GABRA6: variants seen among roughly 807,000 people sequenced by gnomAD.
GABRA6 encodes the protein gamma-aminobutyric acid type A receptor subunit alpha6.
In GABRA6, 45 loss-of-function variants were observed where a neutral mutation model predicts 47.3. That is an observed-to-expected ratio of 0.95 (90% CI 0.75 to 1.22). The LOEUF is 1.22. Ranked by LOEUF, GABRA6 falls within the 50% of genes most tolerant of loss-of-function variation. The pLI, the probability that GABRA6 is intolerant of heterozygous loss-of-function variation, is 0.00. For synonymous variants in GABRA6, 219 were observed against 194.7 expected, an observed-to-expected ratio of 1.12 and a Z score of -1.04; for missense variants, 583 against 549.3, an observed-to-expected ratio of 1.06 and a Z score of -0.61.
rs1754744567 is a variant in GABRA6, at chr5:161,688,954, T to A, written c.231T>A (p.Tyr77Ter). ...FGPVSDVEMEYTMDVFFRQTW... is the reference protein window; with the variant it reads ...FGPVSDVEME ...AATATTTTATTTTCTCTTAGGAGTA[T>A]ACGATGGATGTTTTTTTCCGCCAGA... The change falls in exon 4 of 9, where the codon TAT becomes TAA. Residue 77 changes from tyrosine to a stop codon, truncating the protein, a stop_gained. Coordinates refer to ENST00000274545, the MANE Select transcript of GABRA6 (RefSeq NM_000811.3). LOFTEE classifies it high-confidence loss of function. 2 of 1,612,874 alleles carry A rather than the reference T, an allele frequency of 1.2e-6. No individual in the cohort carries two copies. Among genetic ancestry groups the A allele is most frequent in the Non-Finnish European group, 1.7e-6 (2 of 1,179,046 alleles).
chr5:161,701,663 G>A lies in GABRA6; in HGVS notation c.1252G>A (p.Asp418Asn), dbSNP rs142468532. 6.2e-7 allele frequency: 1 copy of A among 1,614,138 alleles called. No homozygotes were observed. Among genetic ancestry groups the A allele is most frequent in the East Asian group, 2.2e-5 (1 of 44,854 alleles). The change falls in exon 9 of 9, where the codon GAC becomes AAC. Residue 418 changes from aspartate (D) to asparagine (N), a missense_variant. By Grantham distance (23) the Asp-to-Asn change is conservative. Transcript: ENST00000274545. The stretch of plus-strand genomic sequence containing the variant: ...AGCCTTTGGAGGCACCAGTAAAATA[G>A]ACCAGTATTCTCGAATTCTCTTCCC... ...SPAFGGTSKI[D>N]QYSRILFPVA...
intron 8 of GABRA6, among the ~76,000 whole-genome samples, chr5:161,694,585 T>C (rs991619923): frequency 2.0e-5 from 3 of 152,148 alleles, no homozygotes; most frequent in Non-Finnish European, 4.4e-5. Context: ...TAACATATAA[T>C]GAGTAGGTCC....
chr5:161,699,026 G>A (rs73307580), intron 8 of GABRA6, among the ~76,000 whole-genome samples: 4,518 of 152,246 alleles, frequency 0.03, 221 homozygotes, highest in African/African-American at 0.096. Context: ...ACAATGCACA[G>A]ATTCACAAAT....
chr5:161,697,956 T>C (rs1479100274), intron 8 of GABRA6, among the ~76,000 whole-genome samples: 1 of 152,178 alleles, frequency 6.6e-6, no homozygotes, highest in African/African-American at 2.4e-5. Flanking sequence ...AAAATTGCCT[T>C]GTAATGCTAG....
At position 161,686,963 on chromosome 5, in the gene GABRA6, T is replaced by A. The variant is rs1754712836; in HGVS notation, c.185T>A (p.Ile62Asn). The A allele has an allele frequency of 6.2e-7, 1 of 1,613,844 alleles. No individual in the cohort carries two copies. Among genetic ancestry groups the A allele is most frequent in the Admixed American group, 1.7e-5 (1 of 59,992 alleles). Residue 62 changes from isoleucine (I) to asparagine (N), a missense_variant, in exon 3 of 9, where the codon ATT (isoleucine) becomes AAT (asparagine). Transcript: ENST00000274545. Reference protein sequence around the residue: ...GGAVTEVKTDIYVTSFGPVSD... With the variant: ...GGAVTEVKTDNYVTSFGPVSD... ...GCTGTCACTGAAGTCAAAACAGACA[T>A]TTATGTGACCAGTTTTGGGCCCGTG...
intron 2 of GABRA6, 81 bp from the exon 3 acceptor site, chr5:161,686,855 G>C (rs1754711139): frequency 8.5e-7 from 1 of 1,170,900 alleles, no homozygotes; most frequent in East Asian, 2.3e-5. Flanking sequence ...TGATAAGTAA[G>C]GGGTTTGGTG....
intron 7 of GABRA6, 41 bp downstream of exon 7, chr5:161,690,394 A>C: frequency 6.3e-7 from 1 of 1,583,454 alleles, no homozygotes; most frequent in Non-Finnish European, 8.6e-7. Flanking sequence ...TTCATCCTCC[A>C]CCTTTCATTG....
rs1754743379 is a variant in GABRA6 at position 161,688,891 on chromosome 5, T to C, written c.226-58T>C. On this transcript the variant is annotated intron_variant, in intron 3 of 8. Coordinates refer to ENST00000274545, the MANE Select transcript of GABRA6 (RefSeq NM_000811.3). ...GAGATTGGGTGTATAGGCTAGTGAA[T>C]AAACTATTCTTAGCAAACTATCTTT... is the stretch of plus-strand genomic sequence containing the variant. 9 of 1,466,262 alleles carry C rather than the reference T, an allele frequency of 6.1e-6. No individual in the cohort carries two copies. The Admixed American group carries it at 1.5e-4, about 25-fold the overall frequency. 90.8% of individuals were successfully genotyped at this position (1,466,262 alleles called of 1,614,324 possible).
intron 8 of GABRA6, among the ~76,000 whole-genome samples, chr5:161,697,196 C>A (rs1268796507): frequency 6.6e-6 from 1 of 152,194 alleles, no homozygotes; most frequent in Admixed American, 6.5e-5. Flanking sequence ...AGGCGTTCCA[C>A]TCAAAACAGT....
rs1754680581 is a variant in GABRA6, at chr5:161,685,783, T to A, written c.-207T>A. On this transcript the variant is annotated 5_prime_UTR_variant, in exon 1 of 9. Transcript: ENST00000274545. ...AGACCACAAACCACCTTGTTCCACG[T>A]GAGAAGGAAACAAGAAAGAAGGGAG... The A allele has an allele frequency of 1.6e-6, 1 of 619,444 alleles. No homozygotes were observed. The highest frequency in any genetic ancestry group is 2.9e-6 in the Non-Finnish European group (1 of 346,462). The allele number at this position is 619,444 out of a possible 1,614,324, so 38.4% of individuals were successfully genotyped here.
At chr5:161,692,297 A>C in intron 8 of GABRA6, 97 bp downstream of exon 8, 1 of 1,435,642 alleles carries the variant, frequency 7.0e-7, no homozygotes, top group Non-Finnish European at 9.8e-7. Context: ...ATGTGAGTTG[A>C]GCACAGGTTA....
In GABRA6 at chr5:161,690,051, G is replaced by T. The variant is rs1277843592; in HGVS notation, c.674-150G>T. On this transcript the variant is annotated intron_variant, in intron 6 of 8. Transcript: ENST00000274545. Reference sequence around the variant, plus strand: ...GTGTCTCTTCGCTCTATCATCTGCTGATCAAGTAGCTTTCTCATATACTGA... The same window carrying T: ...GTGTCTCTTCGCTCTATCATCTGCTTATCAAGTAGCTTTCTCATATACTGA... 12 of 769,406 alleles carry T rather than the reference G, an allele frequency of 1.6e-5. No homozygotes were observed. The East Asian group carries it at 3.2e-4, about 20-fold the overall frequency. 47.7% of individuals were successfully genotyped at this position (769,406 alleles called of 1,614,324 possible).
rs867621197 is a variant in GABRA6 at position 161,686,790 on chromosome 5, G to A, written c.158-146G>A. ...CTGACATGAGTTTTCAGAGTTGAGA[G>A]ACCCAAGGATCCCCACTACTGGAAT... On this transcript the variant is annotated intron_variant, in intron 2 of 8. Coordinates refer to ENST00000274545, the MANE Select transcript of GABRA6 (RefSeq NM_000811.3). 8.1e-5 allele frequency: 59 copies of A among 727,906 alleles called. No homozygotes were observed. The Middle Eastern group carries it at 1.9e-3, about 24-fold the overall frequency. 45.1% of individuals were successfully genotyped at this position (727,906 alleles called of 1,614,324 possible).
In GABRA6 at chr5:161,688,947, A is replaced by AG; in HGVS notation, c.226dup. 6.2e-7 allele frequency: 1 copy of AG among 1,610,196 alleles called. No homozygotes were observed. The highest frequency in any genetic ancestry group is 1.7e-5 in the Admixed American group (1 of 59,996). On this transcript the variant is annotated splice_acceptor_variant, in intron 3 of 8. Transcript: ENST00000274545. LOFTEE classifies it high-confidence loss of function. ...CCACACAAATATTTTATTTTCTCTT[A>AG]GGAGTATACGATGGATGTTTTTTTC...
intron 4 of GABRA6, 34 bp from the exon 5 acceptor site, chr5:161,689,220 A>G: frequency 6.2e-7 from 1 of 1,611,940 alleles, no homozygotes. Flanking sequence ...TGTCCATAAT[A>G]CTAACTCAGA....
At chr5:161,699,887 G>A (rs1349951697) in intron 8 of GABRA6, among the ~76,000 whole-genome samples, 2 of 152,156 alleles carry the variant, frequency 1.3e-5, no homozygotes, top group African/African-American at 4.8e-5. Context: ...GAGTACCACA[G>A]TACTGGGCCA....
chr5:161,686,245 A>G lies in GABRA6; in HGVS notation c.54A>G (p.Leu18=), dbSNP rs779283943. Residue 18 remains leucine, a synonymous_variant, in exon 2 of 9, where the codon CTA becomes CTG. Coordinates refer to ENST00000274545, the MANE Select transcript of GABRA6 (RefSeq NM_000811.3). ...CTACACACAGGCTAGAAAATGCCCT[A>G]GGGAAACTCGAAGTTGAAGGCAACT... ...LCIILWLENA[L]GKLEVEGNFY... 1.2e-6 allele frequency: 2 copies of G among 1,613,492 alleles called. No individual in the cohort carries two copies. Among genetic ancestry groups the G allele is most frequent in the Non-Finnish European group, 1.7e-6 (2 of 1,179,426 alleles).
At chr5:161,688,794 A>G (rs921393787) in intron 3 of GABRA6, among the ~76,000 whole-genome samples, 155 bp from the exon 4 acceptor site, 10 of 152,218 alleles carry the variant, frequency 6.6e-5, no homozygotes, top group Non-Finnish European at 1.0e-4. Flanking sequence ...TTTGAGAACA[A>G]TAATAACTAG....
intron 5 of GABRA6, 102 bp downstream of exon 5, chr5:161,689,438 C>A: frequency 1.8e-6 from 2 of 1,116,544 alleles, no homozygotes; most frequent in South Asian, 1.3e-5. Context: ...AGAATCATGA[C>A]ACTATCAGTG....
Sources: allele counts gnomAD v4.1 joint callset (sites outside exome capture counted in the v4.1 genomes callset), GRCh38; gene constraint gnomAD v4.1.1; transcripts MANE v1.5; gene names NCBI Gene and HGNC (gene_info 2026-07-23, HGNC 2026-07-21).